The following FBXL2 variants were observed in gnomAD, a reference collection of about 807,000 sequenced individuals.
FBXL2 encodes F-box and leucine rich repeat protein 2, also known as F-box/LRR-repeat protein 2.
In FBXL2, 38 loss-of-function variants were observed where a neutral mutation model predicts 69.2. That is an observed-to-expected ratio of 0.55 (90% CI 0.42 to 0.72). The LOEUF (loss-of-function observed/expected upper bound fraction) is 0.72. FBXL2 is among the 30% of genes least tolerant of loss of function. FBXL2 has a pLI of 0.00. For missense variants in FBXL2, 354 were observed against 520.3 expected, an observed-to-expected ratio of 0.68 and a Z score of 3.11; for synonymous variants, 192 against 201.3, an observed-to-expected ratio of 0.95 and a Z score of 0.39.
chr3:33,359,004 T>C lies in FBXL2; in HGVS notation c.103T>C (p.Cys35Arg). 6.4e-7 allele frequency: 1 copy of C among 1,556,048 alleles called. No homozygotes were observed. Among genetic ancestry groups the C allele is most frequent in the Non-Finnish European group, 8.7e-7 (1 of 1,146,864 alleles). ...SFLDIVTLCR[C>R]AQISKAWNIL... Reference sequence around the variant, plus strand: ...CTTGGATATAGTAACTTTGTGCCGATGTGCACAGATTTCCAAGGTAGAGTA... The same window carrying C: ...CTTGGATATAGTAACTTTGTGCCGACGTGCACAGATTTCCAAGGTAGAGTA... Residue 35 changes from cysteine (C) to arginine (R), a missense_variant, in exon 3 of 15, where the codon TGT (cysteine) becomes CGT (arginine). Cys to Arg is a radical substitution (Grantham distance 180). Transcript: ENST00000484457.
At chr3:33,309,044 T>C (rs1361247713) in intron 2 of FBXL2, among the ~76,000 whole-genome samples, 2 of 152,336 alleles carry the variant, frequency 1.3e-5, no homozygotes, top group East Asian at 3.9e-4. Context: ...AGAAGGTGTA[T>C]CCTGCTGCTG....
chr3:33,284,569 G>T (rs570411900), intron 1 of FBXL2, among the ~76,000 whole-genome samples: 37 of 152,280 alleles, frequency 2.4e-4, no homozygotes, highest in African/African-American at 8.7e-4. Flanking sequence ...GGTCCGCTTG[G>T]TGCAGAGCTG....
At chr3:33,291,997 A>G (rs768481323) in intron 1 of FBXL2, among the ~76,000 whole-genome samples, 4 of 152,214 alleles carry the variant, frequency 2.6e-5, no homozygotes, top group Non-Finnish European at 5.9e-5. Context: ...AAAGCATAAG[A>G]AAGTTGATGT....
chr3:33,312,875 C>G (rs900637771), intron 2 of FBXL2, among the ~76,000 whole-genome samples: 9 of 151,996 alleles, frequency 5.9e-5, no homozygotes, highest in Non-Finnish European at 1.2e-4. Flanking sequence ...AATCCTAGCA[C>G]TTTGGGAGGC....
intron 2 of FBXL2, among the ~76,000 whole-genome samples, chr3:33,324,090 C>A (rs1025944143): frequency 1.3e-5 from 2 of 152,148 alleles, no homozygotes; most frequent in African/African-American, 4.8e-5. Flanking sequence ...TGTTTGTTGG[C>A]CACATAAATG....
At chr3:33,390,191 C>T, downstream of FBXL2, 1 of 809,776 alleles carries the variant, frequency 1.2e-6, no homozygotes. Context: ...TCATACAGCT[C>T]ATTAGAAAGG....
intron 2 of FBXL2, among the ~76,000 whole-genome samples, chr3:33,303,514 A>T (rs761010235): frequency 3.3e-5 from 5 of 152,146 alleles, no homozygotes; most frequent in Non-Finnish European, 5.9e-5. Flanking sequence ...GCCATGAAAC[A>T]TCAATAGAGC....
chr3:33,304,854 G>A (rs976190735), intron 2 of FBXL2, among the ~76,000 whole-genome samples: 1 of 151,946 alleles, frequency 6.6e-6, no homozygotes, highest in Admixed American at 6.6e-5. Flanking sequence ...GTGTAGAATG[G>A]CACCTTATTG....
Position 33,277,443 on chromosome 3 carries a change from TCACCAG to T in FBXL2, c.-69_-64del. On this transcript the variant is annotated 5_prime_UTR_variant, in exon 1 of 15. Coordinates refer to ENST00000484457, the MANE Select transcript of FBXL2 (RefSeq NM_012157.5). ...GACGGGGCGGGGCGCCTGGCTGGCG[TCACCAG>T]GACAACGGGCGTCGCCGGCGCCGTG... 1 of 1,252,426 alleles carries T rather than the reference TCACCAG, an allele frequency of 8.0e-7. No individual in the cohort carries two copies. The highest frequency in any genetic ancestry group is 1.0e-6 in the Non-Finnish European group (1 of 992,584). The allele number at this position is 1,252,426 out of a possible 1,614,324, so 77.6% of individuals were successfully genotyped here.
chr3:33,370,371 TTG>T (rs1464329833), intron 5 of FBXL2, among the ~76,000 whole-genome samples: 5 of 149,542 alleles, frequency 3.3e-5, no homozygotes, highest in Non-Finnish European at 7.4e-5. Context: ...TGAGCCGAGA[TTG>T]CACCACTGCA....
At chr3:33,380,736 C>A (rs1250712847) in intron 13 of FBXL2, among the ~76,000 whole-genome samples, 2 of 152,070 alleles carry the variant, frequency 1.3e-5, no homozygotes, top group East Asian at 3.9e-4. Context: ...CACACACATC[C>A]ACACCACATC....
At chr3:33,345,701 C>T (rs960123092) in intron 2 of FBXL2, among the ~76,000 whole-genome samples, 2 of 152,132 alleles carry the variant, frequency 1.3e-5, no homozygotes, top group African/African-American at 4.8e-5. Flanking sequence ...AATGTTCCTA[C>T]AGACCACAAT....
At chr3:33,421,719 T>C in the FBXL2 span, among the ~76,000 whole-genome samples, 1 of 152,236 alleles carries the variant, frequency 6.6e-6, no homozygotes, top group Non-Finnish European at 1.5e-5. Flanking sequence ...TTATTTTCTT[T>C]ACAGCATTAC....
chr3:33,370,017 T>C (rs2154046658), intron 5 of FBXL2, among the ~76,000 whole-genome samples: 3 of 152,360 alleles, frequency 2.0e-5, no homozygotes, highest in Middle Eastern at 3.4e-3. Context: ...TCATTTTCTT[T>C]CTGCATAAAG....
At chr3:33,396,390 A>G (rs1216209104) in intron 12 of FBXL2, 2 of 809,124 alleles carry the variant, frequency 2.5e-6, no homozygotes, top group East Asian at 2.6e-5. Flanking sequence ...AGAACTTTAT[A>G]ATGTTATTTC....
At chr3:33,286,445 T>C (rs2034623025) in intron 1 of FBXL2, among the ~76,000 whole-genome samples, 2 of 152,210 alleles carry the variant, frequency 1.3e-5, no homozygotes, top group African/African-American at 2.4e-5. Flanking sequence ...TCAGTCGGCC[T>C]CTACTGGGAG....
chr3:33,340,596 AAAAG>A (rs1167237449), intron 2 of FBXL2, among the ~76,000 whole-genome samples: 8 of 151,006 alleles, frequency 5.3e-5, no homozygotes, highest in African/African-American at 1.2e-4. Flanking sequence ...AAAAAAAAAA[AAAAG>A]AAGGAAGTAG....
rs774619659 is a variant in FBXL2, at chr3:33,373,269, T to TA, written c.370dup (p.Ser124LysfsTer3). ...GTCTGCTCTTTTTCAGCACGTGTTA[T>TA]AGCCTTAGCAGATTCTGTTCCAAGC... On this transcript the variant is annotated frameshift_variant, in exon 7 of 15. Transcript: ENST00000484457. LOFTEE classifies it high-confidence loss of function. 3 of 1,614,114 alleles carry TA rather than the reference T, an allele frequency of 1.9e-6. No individual in the cohort carries two copies. The highest frequency in any genetic ancestry group is 2.5e-6 in the Non-Finnish European group (3 of 1,179,938).
At chr3:33,283,002 A>T (rs1326993221) in intron 1 of FBXL2, among the ~76,000 whole-genome samples, 1 of 152,192 alleles carries the variant, frequency 6.6e-6, no homozygotes, top group East Asian at 1.9e-4. Flanking sequence ...AACAGGGACA[A>T]TGTGACTTCC....
Sources: allele counts gnomAD v4.1 joint callset (sites outside exome capture counted in the v4.1 genomes callset), GRCh38; gene constraint gnomAD v4.1.1; transcripts MANE v1.5; gene names NCBI Gene and HGNC (gene_info 2026-07-23, HGNC 2026-07-21).